The following DNAH7 variants were observed in gnomAD, a reference collection of about 807,000 sequenced individuals.
The protein encoded by DNAH7 is axonemal beta dynein heavy chain 7.
Under a neutral mutation model 444.6 loss-of-function variants are expected in DNAH7, and 397 were observed. That is an observed-to-expected ratio of 0.89 (90% confidence interval 0.82 to 0.97). The LOEUF is 0.97. Ranked by LOEUF, DNAH7 falls within the 50% of genes least tolerant of loss-of-function variation. The pLI, the probability that DNAH7 is intolerant of heterozygous loss-of-function variation, is 0.00. For synonymous variants in DNAH7, 1,636 were observed against 1,624.4 expected (o/e 1.01, Z -0.17); for missense variants, 4,902 against 4,800.8 (o/e 1.02, Z -0.62).
chr2:195,767,643 G>C (rs1694647800), intron 61 of DNAH7, among the ~76,000 whole-genome samples: 1 of 151,792 alleles, frequency 6.6e-6, no homozygotes, highest in South Asian at 2.1e-4. Context: ...TAAAAATAAA[G>C]TTAAGACTAT....
chr2:195,758,480 G>A (rs1026593188), intron 61 of DNAH7, among the ~76,000 whole-genome samples: 6 of 152,150 alleles, frequency 3.9e-5, no homozygotes, highest in African/African-American at 1.4e-4. Context: ...GAGAAGGGAG[G>A]CAGAGCAAGA....
intron 49 of DNAH7, among the ~76,000 whole-genome samples, chr2:195,823,179 AT>A (rs1697554424): frequency 6.6e-6 from 1 of 152,308 alleles, no homozygotes; most frequent in South Asian, 2.1e-4. Flanking sequence ...ATAATATTGG[AT>A]TTTAATTAAT....
At chr2:195,996,919 TC>T (rs1236331276) in intron 12 of DNAH7, among the ~76,000 whole-genome samples, 4 of 152,324 alleles carry the variant, frequency 2.6e-5, no homozygotes, top group African/African-American at 9.6e-5. Flanking sequence ...AGTGGGCATT[TC>T]AGGAAATCAT....
intron 61 of DNAH7, among the ~76,000 whole-genome samples, chr2:195,763,144 A>C (rs1694425590): frequency 6.6e-6 from 1 of 152,210 alleles, no homozygotes; most frequent in Admixed American, 6.5e-5. Flanking sequence ...AAGGAAATTC[A>C]AAATTTTCTT....
intron 19 of DNAH7, among the ~76,000 whole-genome samples, chr2:195,946,673 CTT>C (rs1689829398): frequency 6.6e-6 from 1 of 151,856 alleles, no homozygotes; most frequent in Admixed American, 6.6e-5. Context: ...CTCACTCTCT[CTT>C]TCTTTCTCTC....
At chr2:195,862,043 AG>A in intron 41 of DNAH7, 97 bp from the exon 42 acceptor site, 1 of 919,738 alleles carries the variant, frequency 1.1e-6, no homozygotes, top group South Asian at 1.6e-5. Context: ...TTGGGGGTGA[AG>A]GGGAATAGTG....
chr2:195,740,649 ATACACACACAC>A, intron 64 of DNAH7, 106 bp downstream of exon 64: 2 of 36,670 alleles, frequency 5.5e-5, no homozygotes, highest in Non-Finnish European at 1.2e-4. Context: ...ATATATACAT[ATACACACACAC>A]ATATGTATAC....
In DNAH7 at chr2:195,853,429, G is replaced by C. The variant is rs1392891718; in HGVS notation, c.8695C>G (p.Gln2899Glu). 2.5e-6 allele frequency: 4 copies of C among 1,613,966 alleles called. No individual in the cohort carries two copies. The African/African-American group carries it at 4.0e-5, about 16-fold the overall frequency. ...TCCCCAGTCAAGTTGATGTACAGCT[G>C]ACCTAGCTCCAGAGCTGTGTGGCTC... Reference protein sequence around the residue: ...RWSHTALELGQLYINLTGDIL... With the variant: ...RWSHTALELGELYINLTGDIL... Residue 2899 changes from glutamine to glutamate, a missense_variant, in exon 46 of 65, where the codon CAG becomes GAG. By Grantham distance (29) the Gln-to-Glu change is conservative (BLOSUM62 2). Transcript: ENST00000312428.
intron 57 of DNAH7, among the ~76,000 whole-genome samples, chr2:195,794,031 G>A (rs1416676645): frequency 1.3e-5 from 2 of 152,140 alleles, no homozygotes; most frequent in Non-Finnish European, 2.9e-5. Context: ...CCTGAAACAA[G>A]ATTCTCCAAC....
rs977577268 is a variant in DNAH7, at chr2:196,024,485, A to C, written c.687T>G (p.Asp229Glu). The change falls in exon 8 of 65, where the codon GAT (aspartate) becomes GAG (glutamate). Residue 229 changes from aspartate (D) to glutamate (E), a missense_variant. By Grantham distance (45) the Asp-to-Glu change is conservative. Transcript: ENST00000312428. The part of the protein sequence containing the change: ...RKSIVDFVLK[D>E]PREKGDDKKT... ...TCTTATCATCTCCTTTCTCTCGAGG[A>C]TCTTTTAAAACAAAATCAACTAAAA... 6.3e-7 allele frequency: 1 copy of C among 1,579,516 alleles called. No homozygotes were observed. Among genetic ancestry groups the C allele is most frequent in the Non-Finnish European group, 8.6e-7 (1 of 1,165,166 alleles).
At chr2:195,868,204 TC>T (rs1469764259) in intron 40 of DNAH7, among the ~76,000 whole-genome samples, 1 of 149,002 alleles carries the variant, frequency 6.7e-6, no homozygotes, top group Non-Finnish European at 1.5e-5. Flanking sequence ...CATGCCATTC[TC>T]CTGCCTCAGC....
intron 64 of DNAH7, among the ~76,000 whole-genome samples, chr2:195,739,626 A>T (rs1177252568): frequency 6.6e-6 from 1 of 152,248 alleles, no homozygotes; most frequent in African/African-American, 2.4e-5. Context: ...TCAAAGTATA[A>T]GAAAAATATA....
chr2:196,019,276 G>A lies in DNAH7; in HGVS notation c.763C>T (p.Pro255Ser), dbSNP rs1373280684. Reference protein sequence around the residue: ...HRAEMEILPKPWRKSFLAASS... With the variant: ...HRAEMEILPKSWRKSFLAASS... ...GCAGCTAAAAAAGATTTCCTCCAAG[G>A]TTTTGGCAGAATTTCCATTCTGAAA... is the stretch of plus-strand genomic sequence containing the variant. The change falls in exon 9 of 65, where the codon CCT (proline) becomes TCT (serine). Residue 255 changes from proline to serine, a missense_variant. Transcript: ENST00000312428. 35 of 1,487,120 alleles carry A rather than the reference G, an allele frequency of 2.4e-5. No individual in the cohort carries two copies. The highest frequency in any genetic ancestry group is 3.0e-5 in the Non-Finnish European group (33 of 1,103,786). The allele number at this position is 1,487,120 out of a possible 1,614,324, so 92.1% of individuals were successfully genotyped here.
chr2:196,016,143 G>A (rs772569575), intron 9 of DNAH7, among the ~76,000 whole-genome samples: 1 of 151,684 alleles, frequency 6.6e-6, no homozygotes, highest in Non-Finnish European at 1.5e-5. Context: ...TCCTGAAATC[G>A]TCTAACAGAC....
At chr2:195,775,782 G>T in intron 60 of DNAH7, 64 bp downstream of exon 60, 1 of 1,545,224 alleles carries the variant, frequency 6.5e-7, no homozygotes, top group Non-Finnish European at 8.7e-7. Flanking sequence ...TTCAGTGCTG[G>T]CACACGTGCC....
At chr2:195,855,685 C>T (rs557043998) in intron 45 of DNAH7, 126 bp downstream of exon 45, 13 of 975,074 alleles carry the variant, frequency 1.3e-5, no homozygotes, top group African/African-American at 4.9e-5. Flanking sequence ...ATGTGGCCTG[C>T]GGGTCATAGT....
chr2:195,959,741 T>C (rs1690949320), intron 18 of DNAH7, among the ~76,000 whole-genome samples: 1 of 152,238 alleles, frequency 6.6e-6, no homozygotes, highest in African/African-American at 2.4e-5. Flanking sequence ...CTGTGTATGA[T>C]ACTTAAAACT....
At chr2:195,904,315 A>T (rs1467795430) in intron 27 of DNAH7, 1 of 151,926 alleles carries the variant, frequency 6.6e-6, no homozygotes, top group Non-Finnish European at 1.5e-5. Context: ...TGCTAGTTTA[A>T]AGGATGACCA....
intron 61 of DNAH7, among the ~76,000 whole-genome samples, chr2:195,760,401 G>A (rs113724913): frequency 1.5e-3 from 235 of 152,264 alleles, no homozygotes; most frequent in African/African-American, 5.6e-3. Context: ...CCTGCTGACT[G>A]TAGAGCCCCA....
Sources: gnomAD v4.1 joint callset for allele counts (sites outside exome capture counted in the v4.1 genomes callset) on GRCh38, gnomAD v4.1.1 for gene constraint, MANE v1.5 for transcripts, NCBI Gene and HGNC (gene_info 2026-07-23, HGNC 2026-07-21) for gene names.